The following TRRAP variants were observed in gnomAD, a reference collection of about 807,000 sequenced individuals.
TRRAP encodes transformation/transcription domain associated protein.
TRRAP carries 41 observed loss-of-function variants against 438.8 expected under a neutral mutation model. The ratio of observed to expected loss-of-function variants is 0.09; its 90% CI spans 0.07 to 0.12. TRRAP has a LOEUF of 0.12. Among genes scored for constraint, TRRAP ranks in the 10% least tolerant of loss-of-function variants. The pLI, the probability that TRRAP is intolerant of heterozygous loss-of-function variation, is 1.00. For missense variants in TRRAP, 3,122 were observed against 5,055.1 expected, an observed-to-expected ratio of 0.62 and a Z score of 11.60; for synonymous variants, 1,994 against 1,962.9, an observed-to-expected ratio of 1.02 and a Z score of -0.42.
intron 49 of TRRAP, 80 bp downstream of exon 49, chr7:98,965,975 CTT>C: frequency 6.6e-7 from 1 of 1,513,030 alleles, no homozygotes; most frequent in Non-Finnish European, 9.0e-7. Flanking sequence ...CTTTCTGAAA[CTT>C]GAAGCAAAAC....
In TRRAP at chr7:98,881,267, T is replaced by TA; in HGVS notation, c.100+18dup. 2.5e-6 allele frequency: 4 copies of TA among 1,582,052 alleles called. No homozygotes were observed. Among genetic ancestry groups the TA allele is most frequent in the East Asian group, 2.3e-5 (1 of 43,320 alleles). On this transcript the variant is annotated intron_variant, in intron 2 of 72. Coordinates refer to ENST00000456197, the MANE Select transcript of TRRAP (RefSeq NM_001375524.1). The stretch of plus-strand genomic sequence containing the variant: ...TGAATACACGTGAGTTGATCCTTTT[T>TA]ATCATTAAGAAATGCATAAATAAGG...
chr7:98,928,983 G>A (rs1554412188), intron 23 of TRRAP, among the ~76,000 whole-genome samples: 1 of 151,132 alleles, frequency 6.6e-6, no homozygotes, highest in Non-Finnish European at 1.5e-5. Flanking sequence ...TGTCGCCCAG[G>A]CTGGAGTGCA....
At chr7:98,965,371 C>T (rs1326900528) in intron 48 of TRRAP, among the ~76,000 whole-genome samples, 1 of 152,104 alleles carries the variant, frequency 6.6e-6, no homozygotes, top group Non-Finnish European at 1.5e-5. Context: ...TGTGGGGCTG[C>T]CTGGCAGGGG....
intron 37 of TRRAP, 108 bp from the exon 38 acceptor site, chr7:98,949,956 G>A (rs1003003304): frequency 6.4e-7 from 1 of 1,570,884 alleles, no homozygotes; most frequent in Non-Finnish European, 8.7e-7. Flanking sequence ...AGTCAGATTG[G>A]TTGTGGAGAA....
At chr7:98,997,115 G>A (rs1793698172) in intron 67 of TRRAP, among the ~76,000 whole-genome samples, 1 of 152,022 alleles carries the variant, frequency 6.6e-6, no homozygotes, top group Non-Finnish European at 1.5e-5. Flanking sequence ...AGACCAGCCT[G>A]ACCAACATGG....
In TRRAP at chr7:98,956,731, A is replaced by G. The variant is rs1282014918; in HGVS notation, c.6231+198A>G. Among the ~76,000 whole-genome samples the G allele has an allele frequency of 6.6e-6, 1 of 152,160 alleles. No homozygotes were observed. Among genetic ancestry groups the G allele is most frequent in the Non-Finnish European group, 1.5e-5 (1 of 68,028 alleles). ...CCAGGTCACCAGACATGCTTGCCTC[A>G]TGCGTTCAGTTCATACCATTAAAGT... On this transcript the variant is annotated intron_variant, in intron 43 of 72. Transcript: ENST00000456197. The surrounding 1 kb of genome is among the most constrained non-coding windows in gnomAD (Gnocchi z 4.5).
At chr7:98,950,010 G>A (rs1791259849) in intron 37 of TRRAP, 54 bp from the exon 38 acceptor site, 1 of 1,608,788 alleles carries the variant, frequency 6.2e-7, no homozygotes, top group South Asian at 1.1e-5. Flanking sequence ...CAGAGGCGTA[G>A]TTGTTAATGA....
At chr7:98,997,221 G>A (rs219834) in intron 67 of TRRAP, among the ~76,000 whole-genome samples, 44,828 of 151,638 alleles carry the variant, frequency 0.3, 11,058 homozygotes, top group African/African-American at 0.68. Context: ...TGGGAGGATC[G>A]CTGGAACTTG....
chr7:98,947,924 T>C (rs1380871364), intron 33 of TRRAP, among the ~76,000 whole-genome samples: 2 of 152,222 alleles, frequency 1.3e-5, no homozygotes, highest in African/African-American at 4.8e-5. Flanking sequence ...AGGTCACCTT[T>C]ACCACTTGTG....
chr7:98,891,880 T>C (rs1334292243), intron 4 of TRRAP, among the ~76,000 whole-genome samples: 2 of 152,236 alleles, frequency 1.3e-5, no homozygotes, highest in Non-Finnish European at 1.5e-5. Context: ...AACGTTCCCA[T>C]AATACCAGCT....
chr7:99,003,583 G>A (rs548661769), intron 67 of TRRAP, among the ~76,000 whole-genome samples: 1 of 152,314 alleles, frequency 6.6e-6, no homozygotes, highest in East Asian at 1.9e-4. Context: ...ACACACTGAG[G>A]TAGACGTTGC....
At chr7:98,965,295 G>C (rs1391422117) in intron 48 of TRRAP, among the ~76,000 whole-genome samples, 1 of 152,236 alleles carries the variant, frequency 6.6e-6, no homozygotes, top group African/African-American at 2.4e-5. Context: ...TGCTGGTTCT[G>C]AAGAGTTAAG....
intron 13 of TRRAP, among the ~76,000 whole-genome samples, chr7:98,906,482 G>A (rs1796740675): frequency 6.6e-6 from 1 of 151,812 alleles, no homozygotes; most frequent in Admixed American, 6.6e-5. Flanking sequence ...ACCCGGGCTG[G>A]AGTATAGCAG....
intron 62 of TRRAP, 89 bp downstream of exon 62, chr7:98,985,133 C>A: frequency 2.1e-6 from 2 of 950,454 alleles, no homozygotes; most frequent in Non-Finnish European, 3.2e-6. Flanking sequence ...GAAGCTCAAG[C>A]TAGAAATGGG....
In TRRAP at chr7:98,948,409, C is replaced by G; in HGVS notation, c.4668+69C>G. 6.2e-7 allele frequency: 1 copy of G among 1,610,828 alleles called. No individual in the cohort carries two copies. The highest frequency in any genetic ancestry group is 1.1e-5 in the South Asian group (1 of 90,964). On this transcript the variant is annotated intron_variant, in intron 34 of 72. Coordinates refer to ENST00000456197, the MANE Select transcript of TRRAP (RefSeq NM_001375524.1). The surrounding 1 kb of genome is among the most constrained non-coding windows in gnomAD (Gnocchi z 4.9). ...GGTGCTTATAGCGTCCTCACTTGAT[C>G]GTATTTTCAATGGACGGAACAGCAT...
rs189834024 is a variant in TRRAP, at chr7:98,950,753, C to T, written c.5335-123C>T. ...TTGCATAGGAGTCAAGGTTGGTAGT[C>T]ACACCCTGGGTTGAGTTCCAACTTG... On this transcript the variant is annotated intron_variant, in intron 38 of 72. Transcript: ENST00000456197. 168 of 1,234,102 alleles carry T rather than the reference C, an allele frequency of 1.4e-4. 1 individual carries two copies. In the African/African-American group the frequency reaches 2.4e-3, roughly 17 times the overall value. The allele number at this position is 1,234,102 out of a possible 1,614,324, so 76.4% of individuals were successfully genotyped here. A position where few individuals can be genotyped will look rare whatever the true frequency, so the allele number is the denominator to read the frequency against.
chr7:98,879,013 G>C (rs1483902760), intron 1 of TRRAP, among the ~76,000 whole-genome samples: 1 of 151,944 alleles, frequency 6.6e-6, no homozygotes, highest in Admixed American at 6.5e-5. Flanking sequence ...GGCGCCCCCC[G>C]GCCAACCTGG....
intron 67 of TRRAP, among the ~76,000 whole-genome samples, chr7:99,002,273 G>T (rs912462686): frequency 1.3e-5 from 2 of 152,152 alleles, no homozygotes; most frequent in African/African-American, 4.8e-5. Context: ...ATACACACAT[G>T]TGCGCACACA....
chr7:98,993,525 G>C lies in TRRAP; in HGVS notation c.9848-13G>C, dbSNP rs755531659. Reference sequence around the variant, plus strand: ...TTTTGCGCTGACACTGGCGTTGTGTGTGTTGCTCTCAGATTCTGGACAGCA... The same window carrying C: ...TTTTGCGCTGACACTGGCGTTGTGTCTGTTGCTCTCAGATTCTGGACAGCA... On this transcript the variant is annotated splice_polypyrimidine_tract_variant and intron_variant, in intron 65 of 72. Transcript: ENST00000456197. 1.9e-6 allele frequency: 3 copies of C among 1,607,152 alleles called. No individual in the cohort carries two copies. The African/African-American group carries it at 4.0e-5, about 21-fold the overall frequency.
Sources: gnomAD v4.1 joint callset for allele counts (sites outside exome capture counted in the v4.1 genomes callset) on GRCh38, gnomAD v4.1.1 for gene constraint, Gnocchi (gnomAD v3.1) non-coding constraint, MANE v1.5 for transcripts, NCBI Gene and HGNC (gene_info 2026-07-23, HGNC 2026-07-21) for gene names.